Variants in ROBO1 observed in about 807,000 individuals in gnomAD.
ROBO1 encodes the protein roundabout homolog 1.
In ROBO1, 149 loss-of-function variants were observed where a neutral mutation model predicts 195.9. The observed-to-expected ratio is 0.76, with a 90% confidence interval of 0.67 to 0.87. ROBO1 has a LOEUF of 0.87. Among genes scored for constraint, ROBO1 ranks in the 40% least tolerant of loss-of-function variants. The pLI is 0.00. For missense variants in ROBO1, 1,933 were observed against 2,068.3 expected (o/e 0.93, Z 1.27); for synonymous variants, 816 against 733.2 (o/e 1.11, Z -1.82).
At chr3:78,688,554 C>G in intron 9 of ROBO1, 94 bp downstream of exon 9, 7 of 1,303,748 alleles carry the variant, frequency 5.4e-6, no homozygotes, top group Non-Finnish European at 7.2e-6. Context: ...AATGTGACAG[C>G]TGCATGACTA....
chr3:79,650,985 A>T (rs1399083719), intron 1 of ROBO1, among the ~76,000 whole-genome samples: 1 of 151,994 alleles, frequency 6.6e-6, no homozygotes, highest in Non-Finnish European at 1.5e-5. Context: ...TGCATCTGAA[A>T]TTCTGGAATA....
At chr3:79,395,983 C>A (rs1414382309) in intron 2 of ROBO1, among the ~76,000 whole-genome samples, 1 of 152,048 alleles carries the variant, frequency 6.6e-6, no homozygotes, top group African/African-American at 2.4e-5. Context: ...GGATGAATTA[C>A]CATCTGAGTG....
intron 2 of ROBO1, among the ~76,000 whole-genome samples, chr3:79,530,738 T>G (rs1327957525): frequency 1.4e-5 from 2 of 145,724 alleles, no homozygotes; most frequent in African/African-American, 5.1e-5. Flanking sequence ...AATATTTAAT[T>G]CACCCACACC....
At chr3:79,166,665 G>A (rs981617439) in intron 2 of ROBO1, among the ~76,000 whole-genome samples, 17 of 150,508 alleles carry the variant, frequency 1.1e-4, no homozygotes, top group African/African-American at 2.9e-4. Context: ...TCCCGGGTTC[G>A]CGCCATTCTC....
chr3:79,212,897 G>A (rs1178816538), intron 2 of ROBO1, among the ~76,000 whole-genome samples: 1 of 151,924 alleles, frequency 6.6e-6, no homozygotes, highest in Non-Finnish European at 1.5e-5. Context: ...CTAGCTCTGG[G>A]TGTAGACTTT....
At chr3:79,267,075 T>C (rs2030033398) in intron 2 of ROBO1, among the ~76,000 whole-genome samples, 1 of 151,498 alleles carries the variant, frequency 6.6e-6, no homozygotes, top group Non-Finnish European at 1.5e-5. Context: ...ACTATCCATA[T>C]GTGGATATTT....
At chr3:78,617,532 A>T in intron 27 of ROBO1, 103 bp downstream of exon 27, 1 of 1,217,170 alleles carries the variant, frequency 8.2e-7, no homozygotes, top group Non-Finnish European at 1.1e-6. Context: ...CTGTAAGAAT[A>T]GATGCTTTTC....
At chr3:79,124,635 G>A (rs1438306759) in intron 3 of ROBO1, among the ~76,000 whole-genome samples, 2 of 152,110 alleles carry the variant, frequency 1.3e-5, no homozygotes, top group African/African-American at 4.8e-5. Context: ...GGAGAACTGT[G>A]TTAACAAGGA....
At chr3:79,392,157 G>A (rs2036977321) in intron 2 of ROBO1, among the ~76,000 whole-genome samples, 3 of 152,162 alleles carry the variant, frequency 2.0e-5, no homozygotes, top group African/African-American at 7.2e-5. Flanking sequence ...ATGTGTCAGA[G>A]AAGCAACCAC....
intron 2 of ROBO1, among the ~76,000 whole-genome samples, chr3:79,289,155 C>A (rs2032083205): frequency 6.6e-6 from 1 of 150,634 alleles, no homozygotes; most frequent in Non-Finnish European, 1.5e-5. Context: ...AGTAGAAGTA[C>A]AAAGATACAT....
At chr3:79,759,472 G>A (rs1285038276) in intron 1 of ROBO1, among the ~76,000 whole-genome samples, 1 of 152,052 alleles carries the variant, frequency 6.6e-6, no homozygotes, top group African/African-American at 2.4e-5. Context: ...CCATTTCTAA[G>A]GTTTACCTTT....
intron 1 of ROBO1, among the ~76,000 whole-genome samples, chr3:79,671,622 G>T (rs764625927): frequency 2.0e-5 from 3 of 151,842 alleles, no homozygotes; most frequent in Admixed American, 1.3e-4. Flanking sequence ...AAATAAAAAT[G>T]AAGTTGAACT....
At chr3:78,741,885 C>G (rs943088611) in intron 5 of ROBO1, among the ~76,000 whole-genome samples, 3 of 152,030 alleles carry the variant, frequency 2.0e-5, no homozygotes, top group African/African-American at 7.2e-5. Flanking sequence ...TCAAATGATT[C>G]TAAGAAATAT....
chr3:79,009,092 C>G (rs568327107), intron 3 of ROBO1, among the ~76,000 whole-genome samples: 17 of 150,610 alleles, frequency 1.1e-4, no homozygotes, highest in Non-Finnish European at 2.2e-4. Flanking sequence ...AGGTGCCCAC[C>G]ACAACGCCCA....
chr3:78,824,064 A>C (rs2108694277), intron 4 of ROBO1, among the ~76,000 whole-genome samples: 1 of 152,302 alleles, frequency 6.6e-6, no homozygotes, highest in Admixed American at 6.5e-5. Flanking sequence ...CTAGTTTCTC[A>C]AGAGCTTGAA....
Position 78,680,027 on chromosome 3 carries a change from G to A in ROBO1, c.1342+5719C>T, listed in dbSNP as rs562751062. 1.9e-3 allele frequency among the ~76,000 whole-genome samples: 287 copies of A among 152,116 alleles called. 2 individuals carry two copies. Among genetic ancestry groups the A allele is most frequent in the African/African-American group, 6.2e-3 (259 of 41,478 alleles). On this transcript the variant is annotated intron_variant, in intron 10 of 30. Transcript: ENST00000464233. The stretch of plus-strand genomic sequence containing the variant: ...GAACACAAGCCTCAGAAATAACGCC[G>A]CATATCTACAACTATCTGATCTTTG...
At chr3:79,236,328 G>A (rs551117945) in intron 2 of ROBO1, among the ~76,000 whole-genome samples, 1 of 152,016 alleles carries the variant, frequency 6.6e-6, no homozygotes, top group South Asian at 2.1e-4. Flanking sequence ...GGCAATTCAG[G>A]TTCAGTGGCA....
chr3:78,643,609 T>A (rs550202746), intron 21 of ROBO1, among the ~76,000 whole-genome samples: 1 of 152,234 alleles, frequency 6.6e-6, no homozygotes, highest in Non-Finnish European at 1.5e-5. Context: ...AGGTGTGAAG[T>A]AAGTCTGCAG....
intron 2 of ROBO1, among the ~76,000 whole-genome samples, chr3:79,436,063 A>T (rs138647793): frequency 4.1e-4 from 63 of 152,322 alleles, no homozygotes; most frequent in African/African-American, 1.4e-3. Context: ...ATATGCCAGG[A>T]AAACACTGGA....
Sources: allele counts gnomAD v4.1 joint callset (sites outside exome capture counted in the v4.1 genomes callset), GRCh38; gene constraint gnomAD v4.1.1; transcripts MANE v1.5; gene names NCBI Gene and HGNC (gene_info 2026-07-23, HGNC 2026-07-21).